The following DNAH9 variants were observed in gnomAD, a reference collection of about 807,000 sequenced individuals.
DNAH9 encodes dynein axonemal heavy chain 9, also known as DNAH9 variant protein.
DNAH9 carries 345 observed loss-of-function variants against 471.6 expected under a neutral mutation model. The observed-to-expected ratio is 0.73, with a 90% CI of 0.67 to 0.80. The LOEUF is 0.80. DNAH9 is among the 30% of genes least tolerant of loss of function. The pLI is 0.00. For missense variants in DNAH9, 5,407 were observed against 5,609.2 expected, an observed-to-expected ratio of 0.96 and a Z score of 1.15; for synonymous variants, 2,093 against 2,123.6, an observed-to-expected ratio of 0.99 and a Z score of 0.40.
At chr17:11,829,755 G>A (rs1215468358) in intron 48 of DNAH9, among the ~76,000 whole-genome samples, 1 of 152,214 alleles carries the variant, frequency 6.6e-6, no homozygotes, top group Non-Finnish European at 1.5e-5. Flanking sequence ...TTACAGGCAT[G>A]AGCCACCACA....
intron 59 of DNAH9, among the ~76,000 whole-genome samples, chr17:11,898,427 G>A (rs1031990718): frequency 4.6e-5 from 7 of 152,148 alleles, no homozygotes; most frequent in South Asian, 4.1e-4. Context: ...GGCCCTTTCC[G>A]TTTCTTATAA....
chr17:11,698,143 AG>A (rs1219228263), intron 22 of DNAH9, among the ~76,000 whole-genome samples: 2 of 133,852 alleles, frequency 1.5e-5, no homozygotes, highest in African/African-American at 5.8e-5. Context: ...ATTATATATT[AG>A]TATTATATTA....
intron 13 of DNAH9, among the ~76,000 whole-genome samples, 181 bp from the exon 14 acceptor site, chr17:11,652,580 C>G (rs1416499528): frequency 1.3e-5 from 2 of 152,100 alleles, no homozygotes; most frequent in Non-Finnish European, 2.9e-5. Flanking sequence ...CCACCGTGCC[C>G]GGCCAGGGTT....
chr17:11,948,269 G>GC (rs1975216308), intron 67 of DNAH9, among the ~76,000 whole-genome samples: 1 of 110,390 alleles, frequency 9.1e-6, no homozygotes, highest in African/African-American at 3.7e-5. Flanking sequence ...TCACTCTGTT[G>GC]CCAGGCTGGA....
chr17:11,848,919 CT>C (rs1474920549), intron 49 of DNAH9, among the ~76,000 whole-genome samples: 1 of 151,984 alleles, frequency 6.6e-6, no homozygotes, highest in Non-Finnish European at 1.5e-5. Context: ...TCACTGCAAG[CT>C]CTGCCTCCCG....
At chr17:11,956,823 A>G (rs748868298) in intron 67 of DNAH9, among the ~76,000 whole-genome samples, 12 of 151,952 alleles carry the variant, frequency 7.9e-5, no homozygotes, top group Non-Finnish European at 1.5e-4. Flanking sequence ...AATATCAGCA[A>G]TGAAAAAAGT....
Position 11,959,372 on chromosome 17 carries a change from T to C in DNAH9, c.12844-2495T>C, listed in dbSNP as rs575216896. On this transcript the variant is annotated intron_variant, in intron 67 of 68. Coordinates refer to ENST00000262442, the MANE Select transcript of DNAH9 (RefSeq NM_001372.4). ...CACTAAATTTCATCTTTATACTTAATGTTATTTTATTAAATAATCAGCTAT... is the reference window on the plus strand; with the variant it reads ...CACTAAATTTCATCTTTATACTTAACGTTATTTTATTAAATAATCAGCTAT... 3.2e-3 allele frequency among the ~76,000 whole-genome samples: 480 copies of C among 152,208 alleles called. 2 individuals carry two copies. The highest frequency in any genetic ancestry group is 7.5e-3 in the African/African-American group (309 of 41,450).
At chr17:11,884,344 G>A (rs1211507750) in intron 56 of DNAH9, 2 of 266,982 alleles carry the variant, frequency 7.5e-6, no homozygotes, top group East Asian at 9.5e-5. Context: ...AGAAGACGGG[G>A]TGTGATGGGA....
At chr17:11,843,821 A>G (rs1265659520) in intron 49 of DNAH9, among the ~76,000 whole-genome samples, 2 of 138,380 alleles carry the variant, frequency 1.4e-5, no homozygotes. Context: ...GTATATTTGT[A>G]TATATACATG....
intron 44 of DNAH9, 83 bp from the exon 45 acceptor site, chr17:11,810,163 G>T: frequency 2.7e-6 from 4 of 1,475,634 alleles, no homozygotes; most frequent in Non-Finnish European, 3.6e-6. Flanking sequence ...GAAGAAAACG[G>T]TTCCATTTCT....
At chr17:11,856,973 C>T (rs1597740999) in intron 50 of DNAH9, among the ~76,000 whole-genome samples, 1 of 151,982 alleles carries the variant, frequency 6.6e-6, no homozygotes, top group Non-Finnish European at 1.5e-5. Context: ...TTTGGCCTCC[C>T]AAAGAGCTAG....
intron 33 of DNAH9, among the ~76,000 whole-genome samples, chr17:11,753,980 A>AG (rs1967268730): frequency 6.6e-6 from 1 of 152,090 alleles, no homozygotes; most frequent in African/African-American, 2.4e-5. Flanking sequence ...TGTACCCTCA[A>AG]GGGGGCTCCA....
intron 66 of DNAH9, among the ~76,000 whole-genome samples, chr17:11,941,013 G>T (rs947777477): frequency 3.3e-5 from 5 of 152,124 alleles, no homozygotes; most frequent in African/African-American, 1.2e-4. Context: ...AGAGTCCCAG[G>T]TAAAAGAAGG....
rs1597487623 is a variant in DNAH9, at chr17:11,693,716, T to C, written c.4615-152T>C. Reference sequence around the variant, plus strand: ...AAATGTAAATGGGTTCTAAGCTGAATGCAGCTTAAACTAAGGGTGTTTCCT... The same window carrying C: ...AAATGTAAATGGGTTCTAAGCTGAACGCAGCTTAAACTAAGGGTGTTTCCT... On this transcript the variant is annotated intron_variant, in intron 20 of 68. Coordinates refer to ENST00000262442, the MANE Select transcript of DNAH9 (RefSeq NM_001372.4). 4.7e-6 allele frequency: 4 copies of C among 844,828 alleles called. No individual in the cohort carries two copies. In the East Asian group the frequency reaches 1.0e-4, roughly 21 times the overall value. The allele number at this position is 844,828 out of a possible 1,614,324, so 52.3% of individuals were successfully genotyped here. A position where few individuals can be genotyped will look rare whatever the true frequency, so the allele number is the denominator to read the frequency against.
Position 11,930,192 on chromosome 17 carries a change from G to A in DNAH9, c.12105+99G>A, listed in dbSNP as rs1012838090. On this transcript the variant is annotated intron_variant, in intron 63 of 68. Coordinates refer to ENST00000262442, the MANE Select transcript of DNAH9 (RefSeq NM_001372.4). ...CATGCAACTCAGAAGGGAGTCGGGTGCTGGTTGGGCTACGGAGCAATGCTG... is the reference window on the plus strand; with the variant it reads ...CATGCAACTCAGAAGGGAGTCGGGTACTGGTTGGGCTACGGAGCAATGCTG... 2.8e-6 allele frequency: 3 copies of A among 1,059,174 alleles called. No homozygotes were observed. In the African/African-American group the frequency reaches 4.7e-5, roughly 17 times the overall value. 65.6% of individuals were successfully genotyped at this position (1,059,174 alleles called of 1,614,324 possible).
chr17:11,903,332 C>T (rs564214506), intron 60 of DNAH9, among the ~76,000 whole-genome samples: 12 of 150,606 alleles, frequency 8.0e-5, no homozygotes, highest in Middle Eastern at 3.4e-3. Flanking sequence ...AGTGAGACTT[C>T]ATCTCAAAAG....
At chr17:11,648,468 G>A (rs1438871964) in intron 12 of DNAH9, among the ~76,000 whole-genome samples, 3 of 152,132 alleles carry the variant, frequency 2.0e-5, no homozygotes, top group African/African-American at 7.2e-5. Context: ...TTTCCATGTT[G>A]TAATATAGTA....
intron 5 of DNAH9, among the ~76,000 whole-genome samples, chr17:11,618,539 T>C (rs920862171): frequency 9.2e-5 from 14 of 151,362 alleles, no homozygotes; most frequent in Non-Finnish European, 1.8e-4. Context: ...TGAGCGAAGA[T>C]TGTGCCACTG....
chr17:11,810,173 TA>T (rs1462736856), intron 44 of DNAH9, 72 bp from the exon 45 acceptor site: 1 of 1,507,228 alleles, frequency 6.6e-7, no homozygotes, highest in Non-Finnish European at 8.9e-7. Context: ...GTTCCATTTC[TA>T]AAGAATGGGT....
Sources: allele counts gnomAD v4.1 joint callset (sites outside exome capture counted in the v4.1 genomes callset), GRCh38; gene constraint gnomAD v4.1.1; transcripts MANE v1.5; gene names NCBI Gene and HGNC (gene_info 2026-07-23, HGNC 2026-07-21).